Variants in PCDHA12 observed in about 807,000 individuals in gnomAD.
The protein encoded by PCDHA12 is protocadherin alpha-12.
PCDHA12 carries 44 observed loss-of-function variants against 60.0 expected under a neutral mutation model. The observed-to-expected ratio is 0.73, with a 90% CI of 0.58 to 0.94. The LOEUF (loss-of-function observed/expected upper bound fraction) is 0.94. Ranked by LOEUF, PCDHA12 falls within the 40% of genes least tolerant of loss-of-function variation. The pLI is 0.00. For missense variants in PCDHA12, 1,276 were observed against 1,239.7 expected, an observed-to-expected ratio of 1.03 and a Z score of -0.44; for synonymous variants, 569 against 553.0, an observed-to-expected ratio of 1.03 and a Z score of -0.40.
chr5:140,992,390 C>T (rs1007853972), intron 3 of PCDHA12, among the ~76,000 whole-genome samples: 1 of 152,082 alleles, frequency 6.6e-6, no homozygotes, highest in Admixed American at 6.6e-5. Context: ...GTGTTCTGGA[C>T]TTAGAGATAT....
chr5:140,942,572 C>A (rs2093326271), intron 1 of PCDHA12, among the ~76,000 whole-genome samples: 1 of 151,292 alleles, frequency 6.6e-6, no homozygotes, highest in Non-Finnish European at 1.5e-5. Flanking sequence ...AAAAATCTTC[C>A]CATATAGGAT....
intron 1 of PCDHA12, chr5:140,883,818 T>A (rs1349664661): frequency 6.2e-7 from 1 of 1,612,072 alleles, no homozygotes; most frequent in African/African-American, 1.3e-5. Flanking sequence ...AGCGGCAAGG[T>A]GTACGCGCTG....
chr5:140,897,720 G>A (rs1457512042), intron 1 of PCDHA12, among the ~76,000 whole-genome samples: 1 of 152,086 alleles, frequency 6.6e-6, no homozygotes, highest in Non-Finnish European at 1.5e-5. Context: ...GGGATGGCTG[G>A]GTCAAATAGT....
chr5:140,949,852 T>C (rs1311994394), intron 1 of PCDHA12, among the ~76,000 whole-genome samples: 1 of 151,956 alleles, frequency 6.6e-6, no homozygotes. Context: ...TGTTTCCGCT[T>C]ATCTGTTGTC....
At chr5:140,985,945 T>C (rs1432402407) in intron 3 of PCDHA12, among the ~76,000 whole-genome samples, 1 of 152,080 alleles carries the variant, frequency 6.6e-6, no homozygotes, top group Non-Finnish European at 1.5e-5. Flanking sequence ...TTCACTGTGT[T>C]AGCCAGGATG....
chr5:140,998,987 G>A (rs1381033392), intron 3 of PCDHA12, among the ~76,000 whole-genome samples: 1 of 152,234 alleles, frequency 6.6e-6, no homozygotes. Context: ...ATAGTAGAAA[G>A]CAGAATGCTG....
At chr5:140,884,396 C>A (rs2060144550) in intron 1 of PCDHA12, 2 of 1,614,012 alleles carry the variant, frequency 1.2e-6, no homozygotes, top group Middle Eastern at 1.6e-4. Flanking sequence ...GGTGTCCAGC[C>A]TGTTGGTGCT....
At chr5:140,946,202 A>T (rs2093901656) in intron 1 of PCDHA12, among the ~76,000 whole-genome samples, 1 of 152,118 alleles carries the variant, frequency 6.6e-6, no homozygotes, top group Non-Finnish European at 1.5e-5. Context: ...AAAAGAAAGC[A>T]CACAAATGAC....
intron 1 of PCDHA12, among the ~76,000 whole-genome samples, chr5:140,895,371 T>C (rs1554186488): frequency 1.3e-5 from 2 of 152,304 alleles, no homozygotes; most frequent in East Asian, 3.9e-4. Context: ...TTGGCACTTT[T>C]TGGAGTTCTT....
At chr5:140,897,175 G>A (rs1293904744) in intron 1 of PCDHA12, among the ~76,000 whole-genome samples, 3 of 151,828 alleles carry the variant, frequency 2.0e-5, no homozygotes, top group Admixed American at 6.6e-5. Flanking sequence ...ATCTCCATGG[G>A]TTCAAAAAAT....
intron 2 of PCDHA12, among the ~76,000 whole-genome samples, chr5:140,979,312 C>G (rs1419194517): frequency 1.3e-5 from 2 of 152,166 alleles, no homozygotes; most frequent in Admixed American, 6.5e-5. Flanking sequence ...CCCTCTCTAC[C>G]TATGCTTTCT....
intron 1 of PCDHA12, among the ~76,000 whole-genome samples, chr5:140,948,492 A>G (rs915795889): frequency 4.0e-5 from 6 of 151,594 alleles, no homozygotes; most frequent in Non-Finnish European, 8.9e-5. Flanking sequence ...AATTTCTTTC[A>G]TAGACTTTCT....
intron 1 of PCDHA12, 119 bp from the exon 2 acceptor site, chr5:140,978,830 C>A: frequency 1.3e-6 from 2 of 1,535,340 alleles, no homozygotes; most frequent in Non-Finnish European, 1.8e-6. Context: ...TGAAATGGCT[C>A]ATTCAATACT....
intron 1 of PCDHA12, among the ~76,000 whole-genome samples, chr5:140,925,210 C>G (rs1319343041): frequency 1.3e-5 from 2 of 152,122 alleles, no homozygotes; most frequent in Admixed American, 6.5e-5. Context: ...ATTATCGATA[C>G]TTTTAGGCAG....
intron 1 of PCDHA12, among the ~76,000 whole-genome samples, chr5:140,954,151 A>G (rs2094989173): frequency 6.6e-6 from 1 of 152,226 alleles, no homozygotes; most frequent in Admixed American, 6.5e-5. Context: ...TCCATGGTGT[A>G]TATGTACCAC....
At chr5:140,945,155 A>G (rs566867183) in intron 1 of PCDHA12, among the ~76,000 whole-genome samples, 22 of 152,284 alleles carry the variant, frequency 1.4e-4, no homozygotes, top group African/African-American at 5.3e-4. Context: ...TCTATACACT[A>G]TTGAACTATC....
intron 1 of PCDHA12, chr5:140,881,315 A>G: frequency 1.0e-6 from 1 of 981,768 alleles, no homozygotes; most frequent in Non-Finnish European, 1.2e-6. Flanking sequence ...TCCTGGTTAA[A>G]TTCTATTTAA....
rs782133089 is a variant in PCDHA12, at chr5:140,924,894, C to CA, written c.2367+47066dup. Among the ~76,000 whole-genome samples, 369 of 71,492 alleles carry CA rather than the reference C, an allele frequency of 5.2e-3. 5 individuals carry two copies. The South Asian group carries it at 0.07, about 14-fold the overall frequency. 46.9% of individuals were successfully genotyped at this position (71,492 alleles called of 152,430 possible). ...TGGGTGACAGAGCAAGAACCTGTCT[C>CA]AAAAAAAAAAATAAAATAAAATAAA... is the stretch of plus-strand genomic sequence containing the variant. On this transcript the variant is annotated intron_variant, in intron 1 of 3. Coordinates refer to ENST00000398631, the MANE Select transcript of PCDHA12 (RefSeq NM_018903.4).
intron 1 of PCDHA12, among the ~76,000 whole-genome samples, chr5:140,933,701 A>G (rs1204346571): frequency 6.6e-6 from 1 of 151,814 alleles, no homozygotes; most frequent in East Asian, 1.9e-4. Flanking sequence ...CCTCGGACAC[A>G]TTTACTGAGA....
Sources: gnomAD v4.1 joint callset for allele counts (sites outside exome capture counted in the v4.1 genomes callset) on GRCh38, gnomAD v4.1.1 for gene constraint, MANE v1.5 for transcripts, NCBI Gene and HGNC (gene_info 2026-07-23, HGNC 2026-07-21) for gene names.